Variants in COL4A3 observed in about 807,000 individuals in gnomAD.
The protein encoded by COL4A3 is collagen alpha-3(IV) chain.
In COL4A3, 135 loss-of-function variants were observed where a neutral mutation model predicts 217.4. The ratio of observed to expected loss-of-function variants is 0.62; its 90% CI spans 0.54 to 0.72. The LOEUF (loss-of-function observed/expected upper bound fraction) is 0.72. Ranked by LOEUF, COL4A3 falls within the 30% of genes least tolerant of loss-of-function variation. The pLI, the probability that COL4A3 is intolerant of heterozygous loss-of-function variation, is 0.00. For missense variants in COL4A3, 1,868 were observed against 2,119.9 expected (o/e 0.88, Z 2.33); for synonymous variants, 690 against 736.3 (o/e 0.94, Z 1.02).
intron 1 of COL4A3, among the ~76,000 whole-genome samples, chr2:227,177,895 A>G (rs1220717906): frequency 1.3e-5 from 2 of 152,190 alleles, no homozygotes; most frequent in Admixed American, 6.5e-5. Context: ...TTACTTAGCA[A>G]TGGTTCCAAA....
At chr2:227,217,453 A>C (rs191667501) in intron 1 of COL4A3, among the ~76,000 whole-genome samples, 1 of 152,334 alleles carries the variant, frequency 6.6e-6, no homozygotes, top group Non-Finnish European at 1.5e-5. Flanking sequence ...GTTAACAAAG[A>C]CATATTTTAG....
In COL4A3 at chr2:227,313,679, C is replaced by G. The variant is rs575404282; in HGVS notation, c.*1809C>G. 7 of 152,758 alleles carry G rather than the reference C, an allele frequency of 4.6e-5. No individual in the cohort carries two copies. In the South Asian group the frequency reaches 1.5e-3, roughly 32 times the overall value. The allele number at this position is 152,758 out of a possible 1,614,324, so 9.5% of individuals were successfully genotyped here. ...CCTTCACTGCTCACGTGTTTGCTGT[C>G]AAGCCATTTTTACATCTAAACTAAG... is the stretch of plus-strand genomic sequence containing the variant. On this transcript the variant is annotated 3_prime_UTR_variant, in exon 52 of 52. Transcript: ENST00000396578.
rs1559896775 is a variant in COL4A3 at position 227,282,278 on chromosome 2, ATAT to A, written c.2489-86_2489-84del. 162 of 29,006 alleles carry A rather than the reference ATAT, an allele frequency of 5.6e-3. 1 individual carries two copies. The highest frequency in any genetic ancestry group is 0.033 in the East Asian group (26 of 786). The allele number at this position is 29,006 out of a possible 1,614,324, so 1.8% of individuals were successfully genotyped here. A position where few individuals can be genotyped will look rare whatever the true frequency, so the allele number is the denominator to read the frequency against. ...CAGAGGGAGATTCCATCTTAAAAAT[ATAT>A]ATATATATATATATATATATTTCTG... On this transcript the variant is annotated intron_variant, in intron 31 of 51. Transcript: ENST00000396578. The surrounding 1 kb of genome is among the most constrained non-coding windows in gnomAD (Gnocchi z 4.4).
At chr2:227,176,136 G>C (rs2065666491) in intron 1 of COL4A3, among the ~76,000 whole-genome samples, 1 of 152,192 alleles carries the variant, frequency 6.6e-6, no homozygotes, top group African/African-American at 2.4e-5. Flanking sequence ...AACCAGTCTA[G>C]ATCAACATGG....
intron 28 of COL4A3, among the ~76,000 whole-genome samples, chr2:227,278,213 T>C (rs2071708730): frequency 6.6e-6 from 1 of 152,068 alleles, no homozygotes; most frequent in African/African-American, 2.4e-5. Context: ...ATTATTTTCC[T>C]TTAGGGAAAA....
chr2:227,223,319 T>C (rs2067912422), intron 1 of COL4A3, among the ~76,000 whole-genome samples: 1 of 152,230 alleles, frequency 6.6e-6, no homozygotes, highest in African/African-American at 2.4e-5. Context: ...TGGAATATCA[T>C]GAAACTATAC....
chr2:227,238,176 T>TAAAA (rs35499269), intron 2 of COL4A3, 152 bp downstream of exon 2: 71 of 408,180 alleles, frequency 1.7e-4, no homozygotes, highest in Admixed American at 6.8e-4. Flanking sequence ...AACATTAACC[T>TAAAA]AAAAAAAAAA....
chr2:227,202,515 C>T (rs564693137), intron 1 of COL4A3, among the ~76,000 whole-genome samples: 21 of 151,592 alleles, frequency 1.4e-4, no homozygotes, highest in African/African-American at 4.1e-4. Flanking sequence ...GAGGCCGAGG[C>T]GGGCGGATCA....
At chr2:227,214,702 A>C (rs1394468122) in intron 1 of COL4A3, among the ~76,000 whole-genome samples, 1 of 152,242 alleles carries the variant, frequency 6.6e-6, no homozygotes, top group African/African-American at 2.4e-5. Flanking sequence ...TAGCTGTGTC[A>C]AATGAAAACA....
chr2:227,166,897 T>C (rs1005926271), intron 1 of COL4A3, among the ~76,000 whole-genome samples: 3 of 152,168 alleles, frequency 2.0e-5, no homozygotes, highest in Non-Finnish European at 4.4e-5. Flanking sequence ...AGTTTTCTCA[T>C]GTGTAAAATG....
At chr2:227,292,122 A>G (rs896389851) in intron 37 of COL4A3, among the ~76,000 whole-genome samples, 2 of 152,226 alleles carry the variant, frequency 1.3e-5, no homozygotes, top group Non-Finnish European at 2.9e-5. Context: ...CAGTATATGT[A>G]TGACTCCAAT....
At chr2:227,194,948 G>A (rs1271996136) in intron 1 of COL4A3, among the ~76,000 whole-genome samples, 1 of 152,092 alleles carries the variant, frequency 6.6e-6, no homozygotes, top group African/African-American at 2.4e-5. Flanking sequence ...GAACTTAAAT[G>A]ATTTCCTGTT....
chr2:227,274,966 T>G (rs894586015), intron 26 of COL4A3, among the ~76,000 whole-genome samples: 17 of 152,244 alleles, frequency 1.1e-4, no homozygotes, highest in African/African-American at 4.1e-4. Context: ...GAAAATTACA[T>G]GAAATTCAAA....
chr2:227,284,726 C>T (rs1027443951), intron 34 of COL4A3, among the ~76,000 whole-genome samples: 10 of 152,140 alleles, frequency 6.6e-5, no homozygotes, highest in Admixed American at 6.6e-4. Flanking sequence ...ATCTCAAATT[C>T]AACTTTATTC....
At position 227,244,333 on chromosome 2, in the gene COL4A3, T is replaced by C; in HGVS notation, c.248T>C (p.Leu83Pro). The change falls in exon 4 of 52, where the codon CTT (leucine) becomes CCT (proline). Residue 83 changes from leucine to proline, a missense_variant. Transcript: ENST00000396578. Reference protein sequence around the residue: ...GPQGPKGFPGLPGLTGSKGVR... With the variant: ...GPQGPKGFPGPPGLTGSKGVR... ...ACTTGAATCTAGGGCTTTCCAGGAC[T>C]TCCAGGACTCACGGGTTCCAAAGGT... is the stretch of plus-strand genomic sequence containing the variant. 6.2e-7 allele frequency: 1 copy of C among 1,613,994 alleles called. No individual in the cohort carries two copies. The highest frequency in any genetic ancestry group is 2.2e-5 in the East Asian group (1 of 44,880).
At chr2:227,194,151 G>A (rs1185253343) in intron 1 of COL4A3, among the ~76,000 whole-genome samples, 1 of 152,102 alleles carries the variant, frequency 6.6e-6, no homozygotes, top group East Asian at 1.9e-4. Context: ...GTCTTCTGAA[G>A]AAAATGCATA....
Position 227,263,780 on chromosome 2 carries a change from G to T in COL4A3, c.1151G>T (p.Gly384Val). Residue 384 changes from glycine to valine, a missense_variant and splice_region_variant, in exon 21 of 52, where the codon GGA becomes GTA. This residue lies in a region of COL4A3 where 1,503 missense variants were observed against 1,786.1 expected (regional missense o/e 0.84). Coordinates refer to ENST00000396578, the MANE Select transcript of COL4A3 (RefSeq NM_000091.5). ...SGPPGVPGSP[G>V]SSRPGLRGAP... is the part of the protein sequence containing the mutation. ...ACAAGAAATGATTATTTTCTCCAAG[G>T]ATCATCAAGGCCTGGCCTCAGAGGA... The T allele has an allele frequency of 6.2e-7, 1 of 1,613,272 alleles. No individual in the cohort carries two copies. The highest frequency in any genetic ancestry group is 8.5e-7 in the Non-Finnish European group (1 of 1,179,488).
At chr2:227,274,498 G>A (rs190091188) in intron 26 of COL4A3, among the ~76,000 whole-genome samples, 1 of 147,796 alleles carries the variant, frequency 6.8e-6, no homozygotes, top group African/African-American at 2.5e-5. Flanking sequence ...CTTTGGAGCT[G>A]CTTTTTTTTT....
At chr2:227,294,610 G>C in intron 39 of COL4A3, 40 bp downstream of exon 39, 1 of 1,381,210 alleles carries the variant, frequency 7.2e-7, no homozygotes, top group Non-Finnish European at 1.0e-6. Context: ...TTTCATGTGG[G>C]AGACACATTT....
Sources: allele counts gnomAD v4.1 joint callset (sites outside exome capture counted in the v4.1 genomes callset), GRCh38; gene constraint gnomAD v4.1.1; regional missense constraint gnomAD v4.1.1; non-coding constraint Gnocchi (gnomAD v3.1); transcripts MANE v1.5; gene names NCBI Gene and HGNC (gene_info 2026-07-23, HGNC 2026-07-21).